Variants in LMTK3 observed in about 807,000 individuals in gnomAD.
The protein encoded by LMTK3 is lemur tail kinase 3, also known as serine/threonine-protein kinase LMTK3.
Under a neutral mutation model 116.7 loss-of-function variants are expected in LMTK3, and 27 were observed. The ratio of observed to expected loss-of-function variants is 0.23; its 90% CI spans 0.17 to 0.32. The LOEUF (loss-of-function observed/expected upper bound fraction) is 0.32, where lower values mean the gene tolerates loss of function less well. Ranked by LOEUF, LMTK3 falls within the 10% of genes least tolerant of loss-of-function variation. The probability of loss-of-function intolerance (pLI) is 1.00; values close to 1 mark genes in which losing one functional copy is unlikely to be tolerated. For missense variants in LMTK3, 1,764 were observed against 2,068.5 expected (o/e 0.85, Z 2.86); for synonymous variants, 965 against 971.0 (o/e 0.99, Z 0.11).
At chr19:48,508,754 G>A (rs1254778058) in intron 5 of LMTK3, 97 bp downstream of exon 5, 6 of 956,546 alleles carry the variant, frequency 6.3e-6, no homozygotes, top group Middle Eastern at 2.1e-4. Flanking sequence ...CTGCACAACC[G>A]GAAGAGGTAG....
At chr19:48,513,404 C>T (rs1406308349), upstream of LMTK3, 2 of 572,342 alleles carry the variant, frequency 3.5e-6, no homozygotes, top group Non-Finnish European at 6.3e-6. The surrounding 1 kb of genome is among the most constrained non-coding windows in gnomAD (Gnocchi z 5.6). Context: ...GCACACAAGC[C>T]GGGGAGTGGC....
rs185245326 is a variant in LMTK3 at position 48,495,247 on chromosome 19, C to A, written c.3677-1138G>T. Among the ~76,000 whole-genome samples the A allele has an allele frequency of 1.5e-3, 222 of 152,000 alleles. 1 individual carries two copies. Among genetic ancestry groups the A allele is most frequent in the Non-Finnish European group, 2.6e-3 (175 of 67,956 alleles). The stretch of plus-strand genomic sequence containing the variant: ...CTGGTCTCGAACTCCTGACCTCAGG[C>A]GATCCTCCCACCTCGGCCTCCCAAA... On this transcript the variant is annotated intron_variant, in intron 11 of 14. Coordinates refer to ENST00000600059, the MANE Select transcript of LMTK3 (RefSeq NM_001388485.1).
Position 48,511,601 on chromosome 19 carries a change from G to A in LMTK3, c.-25C>T, listed in dbSNP as rs1272130654. 1.6e-6 allele frequency: 2 copies of A among 1,215,786 alleles called. No homozygotes were observed. Among genetic ancestry groups the A allele is most frequent in the Non-Finnish European group, 1.1e-6 (1 of 906,962 alleles). 75.3% of individuals were successfully genotyped at this position (1,215,786 alleles called of 1,614,324 possible). ...TCTTGTCGAGGATGGCAGGGAGGTG[G>A]AGGTGGTGGCGGCTGGGGAGGAGGG... On this transcript the variant is annotated 5_prime_UTR_variant, in exon 1 of 15. Transcript: ENST00000600059.
In LMTK3 at chr19:48,508,847, G is replaced by C. The variant is rs200879738; in HGVS notation, c.557+4C>G. 11 of 1,610,426 alleles carry C rather than the reference G, an allele frequency of 6.8e-6. No homozygotes were observed. The East Asian group carries it at 2.5e-4, about 36-fold the overall frequency. On this transcript the variant is annotated splice_donor_region_variant and intron_variant, in intron 5 of 14. Coordinates refer to ENST00000600059, the MANE Select transcript of LMTK3 (RefSeq NM_001388485.1). ...GCACACACCCACTGAGAAACCCTCA[G>C]TACCTGTACGGCTGTGCTTCCGAGA...
At position 48,498,114 on chromosome 19, in the gene LMTK3, C is replaced by G. The variant is rs756795214; in HGVS notation, c.2955G>C (p.Gly985=). Residue 985 remains glycine (G), a synonymous_variant, in exon 11 of 15, where the codon GGG becomes GGC. Transcript: ENST00000600059. ...ENGELRSPEA[G]EKVLVNGGLT... is the part of the protein sequence containing the mutation. The stretch of plus-strand genomic sequence containing the variant: ...GGCCCCCATTCACCAGCACCTTCTC[C>G]CCGGCCTCTGGGGACCTCAGCTCCC... 5.6e-6 allele frequency: 9 copies of G among 1,613,360 alleles called. No homozygotes were observed. Among genetic ancestry groups the G allele is most frequent in the Non-Finnish European group, 7.6e-6 (9 of 1,179,822 alleles).
intron 3 of LMTK3, 60 bp from the exon 4 acceptor site, chr19:48,509,573 A>G (rs1288758021): frequency 7.1e-7 from 1 of 1,398,802 alleles, no homozygotes; most frequent in Non-Finnish European, 9.7e-7. Context: ...TGCTACCAAC[A>G]CACCCCAGGT....
Position 48,485,792 on chromosome 19 carries a change from G to T in LMTK3, c.4367-3C>A. 2.5e-6 allele frequency: 4 copies of T among 1,610,128 alleles called. No homozygotes were observed. In the South Asian group the frequency reaches 4.4e-5, roughly 18 times the overall value. ...GGGGAATCAATTCTCCACGGGGCCTGAGGATGGACAGAGGAGACAGAGAAA... is the reference window on the plus strand; with the variant it reads ...GGGGAATCAATTCTCCACGGGGCCTTAGGATGGACAGAGGAGACAGAGAAA... On this transcript the variant is annotated splice_region_variant and splice_polypyrimidine_tract_variant and intron_variant, in intron 14 of 14. Coordinates refer to ENST00000600059, the MANE Select transcript of LMTK3 (RefSeq NM_001388485.1).
At chr19:48,506,782 A>G (rs1269761191) in intron 5 of LMTK3, among the ~76,000 whole-genome samples, 1 of 152,122 alleles carries the variant, frequency 6.6e-6, no homozygotes, top group South Asian at 2.1e-4. Context: ...CTCCTGCCTC[A>G]GCCTCCTGAG....
Position 48,494,164 on chromosome 19 carries a change from TC to T in LMTK3, c.3677-56del. 1 of 1,066,494 alleles carries T rather than the reference TC, an allele frequency of 9.4e-7. No individual in the cohort carries two copies. The highest frequency in any genetic ancestry group is 1.2e-6 in the Non-Finnish European group (1 of 864,432). The allele number at this position is 1,066,494 out of a possible 1,614,324, so 66.1% of individuals were successfully genotyped here. On this transcript the variant is annotated intron_variant, in intron 11 of 14. Coordinates refer to ENST00000600059, the MANE Select transcript of LMTK3 (RefSeq NM_001388485.1). This position sits in a 1 kb window ranked among gnomAD's most constrained non-coding sequence, Gnocchi z 4.0. ...GTCCCGGTGAAACTGAGGCAGGCCC[TC>T]CCACCTAGCTGTGTGGCCTCAGATA...
intron 8 of LMTK3, 22 bp from the exon 9 acceptor site, chr19:48,501,426 C>T: frequency 6.2e-7 from 1 of 1,612,734 alleles, no homozygotes; most frequent in South Asian, 1.1e-5. Context: ...AGGGCGGTGT[C>T]AGGCGGGTCA....
intron 5 of LMTK3, among the ~76,000 whole-genome samples, chr19:48,507,952 G>A (rs2048096386): frequency 6.6e-6 from 1 of 152,204 alleles, no homozygotes; most frequent in South Asian, 2.1e-4. Context: ...GAGGGGAGGA[G>A]TAAGGGAAGA....
chr19:48,498,783 G>C lies in LMTK3; in HGVS notation c.2286C>G (p.Ala762=). The C allele has an allele frequency of 7.6e-7, 1 of 1,310,932 alleles. No homozygotes were observed. The highest frequency in any genetic ancestry group is 1.6e-5 in the African/African-American group (1 of 63,432). The allele number at this position is 1,310,932 out of a possible 1,614,324, so 81.2% of individuals were successfully genotyped here. The change falls in exon 11 of 15, where the codon GCC becomes GCG. Residue 762 remains alanine (A), a synonymous_variant. Transcript: ENST00000600059. The part of the protein sequence containing the change: ...APPPPPPPPR[A]PADPAASPDP... The stretch of plus-strand genomic sequence containing the variant: ...CGGGGGACGCGGCCGGGTCCGCGGG[G>C]GCCCGAGGAGGTGGCGGCGGGGGGG...
chr19:48,497,669 T>C lies in LMTK3; in HGVS notation c.3400A>G (p.Lys1134Glu). 1 of 1,316,620 alleles carries C rather than the reference T, an allele frequency of 7.6e-7. No homozygotes were observed. Among genetic ancestry groups the C allele is most frequent in the South Asian group, 2.3e-5 (1 of 44,314 alleles). 81.6% of individuals were successfully genotyped at this position (1,316,620 alleles called of 1,614,324 possible). ...GGGPGSGVDA[K>E]AGWVDNTRPQ... ...CTCGTGTTGTCTACCCATCCGGCCT[T>C]TGCGTCCACGCCGCTTCCGGGGCCG... is the stretch of plus-strand genomic sequence containing the variant. Residue 1134 changes from lysine (K) to glutamate (E), a missense_variant, in exon 11 of 15, where the codon AAG becomes GAG. Lys to Glu is a moderately conservative substitution (Grantham distance 56). This residue lies in a region of LMTK3 where 1,028 missense variants were observed against 1,050.6 expected (regional missense o/e 0.98). Coordinates refer to ENST00000600059, the MANE Select transcript of LMTK3 (RefSeq NM_001388485.1). The surrounding 1 kb of genome is among the most constrained non-coding windows in gnomAD (Gnocchi z 5.7).
Position 48,485,738 on chromosome 19 carries a change from T to A in LMTK3, c.*35A>T, listed in dbSNP as rs920398767. On this transcript the variant is annotated 3_prime_UTR_variant, in exon 15 of 15. Transcript: ENST00000600059. Reference sequence around the variant, plus strand: ...CAGAGGATTCCATTCTCAACCCCTCTTCTGAGGGTGCAGCGGGGTCGGGTC... The same window carrying A: ...CAGAGGATTCCATTCTCAACCCCTCATCTGAGGGTGCAGCGGGGTCGGGTC... 1.9e-6 allele frequency: 3 copies of A among 1,605,626 alleles called. No homozygotes were observed. The highest frequency in any genetic ancestry group is 2.6e-6 in the Non-Finnish European group (3 of 1,175,896).
Position 48,509,458 on chromosome 19 carries a change from A to T in LMTK3, c.417T>A (p.Ile139=), listed in dbSNP as rs1015138782. 5 of 1,559,338 alleles carry T rather than the reference A, an allele frequency of 3.2e-6. No individual in the cohort carries two copies. Among genetic ancestry groups the T allele is most frequent in the African/African-American group, 2.7e-5 (2 of 73,372 alleles). Residue 139 remains isoleucine, a synonymous_variant, in exon 4 of 15, where the codon ATT becomes ATA. Transcript: ENST00000600059. ...SRQHLSYLQE[I]GSGWFGKVIL... is the part of the protein sequence containing the mutation. ...TCACCTTCCCAAACCAGCCACTCCC[A>T]ATCTCCTGCAGGTAGCTCAGGTGCT...
Position 48,491,365 on chromosome 19 carries a change from G to A in LMTK3, c.4228+39C>T. 1.6e-6 allele frequency: 2 copies of A among 1,219,832 alleles called. No individual in the cohort carries two copies. Among genetic ancestry groups the A allele is most frequent in the Non-Finnish European group, 2.1e-6 (2 of 940,542 alleles). The allele number at this position is 1,219,832 out of a possible 1,614,324, so 75.6% of individuals were successfully genotyped here. A position where few individuals can be genotyped will look rare whatever the true frequency, so the allele number is the denominator to read the frequency against. ...ATAGACCCCGCCCCGTCCGCCCCAT[G>A]GCTCCCGCCCCCTCCCGCCCCATAG... On this transcript the variant is annotated intron_variant, in intron 13 of 14. Coordinates refer to ENST00000600059, the MANE Select transcript of LMTK3 (RefSeq NM_001388485.1). The surrounding 1 kb of genome is among the most constrained non-coding windows in gnomAD (Gnocchi z 5.1).
intron 2 of LMTK3, 63 bp downstream of exon 2, chr19:48,510,396 T>C (rs1244123069): frequency 6.5e-7 from 1 of 1,541,552 alleles, no homozygotes; most frequent in Non-Finnish European, 8.8e-7. Context: ...CAACCACCTG[T>C]GTAGGGGGTA....
chr19:48,498,005 C>A lies in LMTK3; in HGVS notation c.3064G>T (p.Gly1022Trp). 6.2e-7 allele frequency: 1 copy of A among 1,612,268 alleles called. No individual in the cohort carries two copies. Among genetic ancestry groups the A allele is most frequent in the South Asian group, 1.1e-5 (1 of 90,982 alleles). ...CAGGGCCCTGGGGCTCTCCAAGGCCCAGTCTCTGGTGGCCTCTCCGTGTTC... is the reference window on the plus strand; with the variant it reads ...CAGGGCCCTGGGGCTCTCCAAGGCCAAGTCTCTGGTGGCCTCTCCGTGTTC... ...PRNTERPPET[G>W]PWRAPGPWEK... The change falls in exon 11 of 15, where the codon GGG (glycine) becomes TGG (tryptophan). Residue 1022 changes from glycine (G) to tryptophan (W), a missense_variant. By Grantham distance (184) the Gly-to-Trp change is radical (BLOSUM62 -2). Transcript: ENST00000600059.
rs138698459 is a variant in LMTK3 at position 48,492,466 on chromosome 19, C to A, written c.4093-927G>T. Among the ~76,000 whole-genome samples the A allele has an allele frequency of 7.7e-4, 117 of 152,270 alleles. 1 individual carries two copies. In the South Asian group the frequency reaches 0.015, roughly 20 times the overall value. ...CCTCCCAAAGTGCTGGGATTACAGG[C>A]GTGAGCCACCCGGGACAGGCCTAAC... is the stretch of plus-strand genomic sequence containing the variant. On this transcript the variant is annotated intron_variant, in intron 12 of 14. Coordinates refer to ENST00000600059, the MANE Select transcript of LMTK3 (RefSeq NM_001388485.1).
Sources: gnomAD v4.1 joint callset for allele counts (sites outside exome capture counted in the v4.1 genomes callset) on GRCh38, gnomAD v4.1.1 for gene constraint, gnomAD v4.1.1 regional missense constraint, Gnocchi (gnomAD v3.1) non-coding constraint, MANE v1.5 for transcripts, NCBI Gene and HGNC (gene_info 2026-07-23, HGNC 2026-07-21) for gene names.